Variants in ZNF486 observed in about 807,000 individuals in gnomAD.
ZNF486 encodes the protein zinc finger protein 486.
ZNF486 carries 12 observed loss-of-function variants against 12.8 expected under a neutral mutation model. The observed-to-expected ratio is 0.94, with a 90% CI of 0.60 to 1.52. The LOEUF is 1.52. Among genes scored for constraint, ZNF486 ranks in the 40% most tolerant of loss-of-function variants. ZNF486 has a pLI of 0.00. For missense variants in ZNF486, 738 were observed against 545.0 expected, an observed-to-expected ratio of 1.35 and a Z score of -3.53; for synonymous variants, 231 against 184.9, an observed-to-expected ratio of 1.25 and a Z score of -2.02.
intron 3 of ZNF486, among the ~76,000 whole-genome samples, chr19:20,189,392 G>T (rs550004285): frequency 1.3e-5 from 2 of 152,132 alleles, no homozygotes; most frequent in Non-Finnish European, 2.9e-5. Context: ...TTTGTAAATA[G>T]ATATAATAAG....
chr19:20,184,893 C>G (rs2089825612), intron 2 of ZNF486, among the ~76,000 whole-genome samples: 1 of 152,088 alleles, frequency 6.6e-6, no homozygotes, highest in Non-Finnish European at 1.5e-5. Flanking sequence ...GGGCAGATCA[C>G]CTGAAGTTGG....
chr19:20,197,270 G>A lies in ZNF486; in HGVS notation c.560G>A (p.Gly187Asp). 6.2e-7 allele frequency: 1 copy of A among 1,610,768 alleles called. No individual in the cohort carries two copies. Among genetic ancestry groups the A allele is most frequent in the Non-Finnish European group, 8.5e-7 (1 of 1,179,152 alleles). ...AAAAAACCTTTGAAATATATAGAAG[G>A]TGACAAAGCTTTTAACCAGTCCTCA... ...TEKKPLKYIEGDKAFNQSSTH... is the reference protein window; with the variant it reads ...TEKKPLKYIEDDKAFNQSSTH... The change falls in exon 4 of 4, where the codon GGT becomes GAT. Residue 187 changes from glycine to aspartate, a missense_variant. Gly to Asp is a moderately conservative substitution (Grantham distance 94). Coordinates refer to ENST00000335117, the MANE Select transcript of ZNF486 (RefSeq NM_052852.4).
intron 1 of ZNF486, among the ~76,000 whole-genome samples, chr19:20,174,464 C>T (rs924300582): frequency 6.6e-6 from 1 of 151,836 alleles, no homozygotes; most frequent in Non-Finnish European, 1.5e-5. Flanking sequence ...TCTCATCTCA[C>T]TGCAACTGCT....
intron 3 of ZNF486, among the ~76,000 whole-genome samples, chr19:20,187,507 T>C (rs543929316): frequency 4.7e-5 from 7 of 147,768 alleles, no homozygotes; most frequent in Admixed American, 4.7e-4. Context: ...CAAGTTTTTT[T>C]TTTTTTTTTT....
In ZNF486 at chr19:20,197,543, C is replaced by T; in HGVS notation, c.833C>T (p.Pro278Leu). 3 of 1,613,064 alleles carry T rather than the reference C, an allele frequency of 1.9e-6. No homozygotes were observed. In the South Asian group the frequency reaches 3.3e-5, roughly 18 times the overall value. ...CEECGKAFMY[P>L]YTLTTHKIIH... ...GAATGTGGCAAAGCCTTTATGTACCCCTATACCCTTACTACACATAAGATA... is the reference window on the plus strand; with the variant it reads ...GAATGTGGCAAAGCCTTTATGTACCTCTATACCCTTACTACACATAAGATA... Residue 278 changes from proline (P) to leucine (L), a missense_variant, in exon 4 of 4, where the codon CCC (proline) becomes CTC (leucine). Transcript: ENST00000335117.
chr19:20,171,049 C>T (rs1478121068), intron 1 of ZNF486, among the ~76,000 whole-genome samples: 3 of 151,992 alleles, frequency 2.0e-5, no homozygotes, highest in Non-Finnish European at 4.4e-5. Context: ...GTTGTGGGAC[C>T]GAGGGTCTAT....
chr19:20,186,049 A>C lies in ZNF486; in HGVS notation c.220A>C (p.Met74Leu). 6.3e-7 allele frequency: 1 copy of C among 1,594,798 alleles called. No homozygotes were observed. Among genetic ancestry groups the C allele is most frequent in the Non-Finnish European group, 8.5e-7 (1 of 1,172,318 alleles). Residue 74 changes from methionine to leucine, a missense_variant, in exon 3 of 4, where the codon ATG becomes CTG. Coordinates refer to ENST00000335117, the MANE Select transcript of ZNF486 (RefSeq NM_052852.4). Reference protein sequence around the residue: ...CLEQGIKPLTMKRHEMIAKPP... With the variant: ...CLEQGIKPLTLKRHEMIAKPP... Reference sequence around the variant, plus strand: ...GGAGCAAGGAATAAAACCTCTGACTATGAAGAGACATGAGATGATTGCCAA... The same window carrying C: ...GGAGCAAGGAATAAAACCTCTGACTCTGAAGAGACATGAGATGATTGCCAA...
chr19:20,191,257 G>A (rs1225368463), intron 3 of ZNF486, among the ~76,000 whole-genome samples: 4 of 152,006 alleles, frequency 2.6e-5, no homozygotes, highest in South Asian at 2.1e-4. Context: ...GGATCATGAG[G>A]TCAGGAGATC....
chr19:20,167,244 C>G lies in ZNF486; in HGVS notation c.-87C>G, dbSNP rs779231492. 1.9e-6 allele frequency: 3 copies of G among 1,551,500 alleles called. No individual in the cohort carries two copies. Among genetic ancestry groups the G allele is most frequent in the East Asian group, 2.2e-5 (1 of 44,544 alleles). ...TCGCTGCATCTGGAGCTCTAGGTCG[C>G]CTCTTCGCTACTCTGTGTCCTCTGC... On this transcript the variant is annotated 5_prime_UTR_variant, in exon 1 of 4. Transcript: ENST00000335117.
At chr19:20,184,544 C>A in intron 2 of ZNF486, 62 bp downstream of exon 2, 2 of 1,506,002 alleles carry the variant, frequency 1.3e-6, no homozygotes, top group Non-Finnish European at 1.8e-6. Flanking sequence ...CTCTTTTTTG[C>A]AGAATGATTT....
intron 3 of ZNF486, among the ~76,000 whole-genome samples, chr19:20,186,567 TTATAAG>T (rs1290009484): frequency 6.6e-6 from 1 of 152,164 alleles, no homozygotes; most frequent in East Asian, 1.9e-4. Context: ...TAGTTTGAAA[TTATAAG>T]TATGATATCC....
intron 1 of ZNF486, among the ~76,000 whole-genome samples, chr19:20,180,060 T>C (rs1555715333): frequency 6.6e-6 from 1 of 152,242 alleles, no homozygotes; most frequent in African/African-American, 2.4e-5. Flanking sequence ...TTTCTCCAGA[T>C]GGCTTATCAT....
In ZNF486 at chr19:20,197,378, C is replaced by T. The variant is rs782076657; in HGVS notation, c.668C>T (p.Ser223Leu). ...EECGKAFNRS[S>L]HLTTHKITHT... ...TGTGGCAAAGCCTTCAACCGGTCCT[C>T]ACACCTTACTACACATAAGATAACT... The change falls in exon 4 of 4, where the codon TCA becomes TTA. Residue 223 changes from serine to leucine, a missense_variant. Ser to Leu is a moderately radical substitution (Grantham distance 145, BLOSUM62 -2). Transcript: ENST00000335117. 2.7e-5 allele frequency: 44 copies of T among 1,613,050 alleles called. No homozygotes were observed. Among genetic ancestry groups the T allele is most frequent in the Non-Finnish European group, 3.5e-5 (41 of 1,179,522 alleles).
chr19:20,181,378 G>A (rs558987572), intron 1 of ZNF486, among the ~76,000 whole-genome samples: 7 of 152,104 alleles, frequency 4.6e-5, no homozygotes, highest in South Asian at 2.1e-4. Context: ...CCTCTACTAA[G>A]AATACAAAAA....
chr19:20,200,372 T>C lies in ZNF486; in HGVS notation c.*2270T>C, dbSNP rs926535242. 6.6e-6 allele frequency: 1 copy of C among 152,118 alleles called. No individual in the cohort carries two copies. The allele number at this position is 152,118 out of a possible 1,614,324, so 9.4% of individuals were successfully genotyped here. A position where few individuals can be genotyped will look rare whatever the true frequency, so the allele number is the denominator to read the frequency against. ...AAGTAATGTATAAGGTAGGTCAGAGTAATACTTTTCTACATTATAGTGCAA... is the reference window on the plus strand; with the variant it reads ...AAGTAATGTATAAGGTAGGTCAGAGCAATACTTTTCTACATTATAGTGCAA... On this transcript the variant is annotated 3_prime_UTR_variant, in exon 4 of 4. Transcript: ENST00000335117.
At chr19:20,184,530 A>G (rs2089821493) in intron 2 of ZNF486, 48 bp downstream of exon 2, 1 of 1,528,470 alleles carries the variant, frequency 6.5e-7, no homozygotes, top group Admixed American at 2.2e-5. Context: ...CAAAAGTTTT[A>G]TTTCTCTTTT....
At chr19:20,195,951 G>C (rs2089954338) in intron 3 of ZNF486, among the ~76,000 whole-genome samples, 1 of 152,082 alleles carries the variant, frequency 6.6e-6, no homozygotes, top group African/African-American at 2.4e-5. Context: ...GCCCCTAGAA[G>C]ACAAATAAAG....
chr19:20,191,295 C>A (rs949114212), intron 3 of ZNF486, among the ~76,000 whole-genome samples: 2 of 150,568 alleles, frequency 1.3e-5, no homozygotes, highest in African/African-American at 4.9e-5. Flanking sequence ...CATGGTGAAA[C>A]CCCGTCTCTA....
chr19:20,185,060 G>C (rs565247252), intron 2 of ZNF486, among the ~76,000 whole-genome samples: 2 of 152,094 alleles, frequency 1.3e-5, no homozygotes, highest in Non-Finnish European at 1.5e-5. Context: ...TTGGTGAGCC[G>C]AGACTGAGCC....
Sources: gnomAD v4.1 joint callset for allele counts (sites outside exome capture counted in the v4.1 genomes callset) on GRCh38, gnomAD v4.1.1 for gene constraint, MANE v1.5 for transcripts, NCBI Gene and HGNC (gene_info 2026-07-23, HGNC 2026-07-21) for gene names.